UVRAG: variants seen among roughly 807,000 people sequenced by gnomAD.
UVRAG encodes the protein UV radiation resistance associated, also known as UV radiation resistance-associated gene protein.
UVRAG carries 19 observed loss-of-function variants against 78.0 expected under a neutral mutation model. The observed-to-expected ratio is 0.24, with a 90% CI of 0.17 to 0.36. The LOEUF is 0.36. UVRAG is among the 10% of genes least tolerant of loss of function. The probability of loss-of-function intolerance (pLI) is 1.00; values close to 1 mark genes in which losing one functional copy is unlikely to be tolerated. For synonymous variants in UVRAG, 323 were observed against 324.6 expected, an observed-to-expected ratio of 1.00 and a Z score of 0.05; for missense variants, 740 against 853.8, an observed-to-expected ratio of 0.87 and a Z score of 1.66.
chr11:75,837,327 A>C (rs1240742088), intron 1 of UVRAG, among the ~76,000 whole-genome samples: 1 of 93,046 alleles, frequency 1.1e-5, no homozygotes, highest in Non-Finnish European at 1.9e-5. Flanking sequence ...ACTCTGTCTC[A>C]AAAAAAAAAA....
intron 6 of UVRAG, among the ~76,000 whole-genome samples, chr11:75,957,457 A>T (rs1003690769): frequency 1.3e-5 from 2 of 151,428 alleles, no homozygotes; most frequent in Non-Finnish European, 2.9e-5. Flanking sequence ...TATTGTCTTA[A>T]TTATGTAACT....
At chr11:75,857,479 C>A (rs993188478) in intron 2 of UVRAG, among the ~76,000 whole-genome samples, 1 of 151,610 alleles carries the variant, frequency 6.6e-6, no homozygotes, top group Admixed American at 6.6e-5. Flanking sequence ...TCTTGCAGAT[C>A]TTTCTTTTTC....
intron 8 of UVRAG, among the ~76,000 whole-genome samples, chr11:75,999,229 C>T (rs1403207508): frequency 4.0e-5 from 2 of 50,186 alleles, no homozygotes; most frequent in African/African-American, 9.2e-5. Context: ...CAAGACTCTG[C>T]CTCAGAGAAA....
intron 13 of UVRAG, among the ~76,000 whole-genome samples, chr11:76,068,465 A>G (rs1307098113): frequency 4.6e-5 from 7 of 152,364 alleles, no homozygotes; most frequent in African/African-American, 1.7e-4. Context: ...CTCTGAATCC[A>G]TAGGGAGCAA....
intron 5 of UVRAG, among the ~76,000 whole-genome samples, chr11:75,910,225 C>G (rs1395466384): frequency 6.6e-6 from 1 of 152,106 alleles, no homozygotes; most frequent in Non-Finnish European, 1.5e-5. Flanking sequence ...AGTGATATAA[C>G]TTTTAATGAT....
intron 2 of UVRAG, among the ~76,000 whole-genome samples, chr11:75,855,441 T>G (rs372225781): frequency 3.9e-5 from 6 of 152,362 alleles, no homozygotes; most frequent in African/African-American, 1.4e-4. Flanking sequence ...ATTCCTCCCA[T>G]TCCAAAATGT....
intron 13 of UVRAG, among the ~76,000 whole-genome samples, chr11:76,115,554 A>C (rs1388036615): frequency 1.3e-5 from 2 of 152,178 alleles, no homozygotes; most frequent in Admixed American, 1.3e-4. Context: ...ATGTCCCTGG[A>C]GTTGGTGTTA....
At chr11:76,049,674 A>G (rs1950825335) in intron 12 of UVRAG, among the ~76,000 whole-genome samples, 1 of 152,312 alleles carries the variant, frequency 6.6e-6, no homozygotes, top group East Asian at 1.9e-4. Flanking sequence ...TCACCCATAC[A>G]TTCACCCCTC....
Position 75,961,525 on chromosome 11 carries a change from A to T in UVRAG, c.675A>T (p.Arg225Ser). ...KIGKEIEEKL[R>S]LTSTSNELKK... is the part of the protein sequence containing the mutation. ...GAAAGGAAATTGAAGAAAAACTAAG[A>T]CTCACATCTACAAGCAATGAACTGG... The change falls in exon 7 of 15, where the codon AGA (arginine) becomes AGT (serine). Residue 225 changes from arginine to serine, a missense_variant. Transcript: ENST00000356136. 1.2e-6 allele frequency: 2 copies of T among 1,604,758 alleles called. No homozygotes were observed. The highest frequency in any genetic ancestry group is 1.7e-6 in the Non-Finnish European group (2 of 1,177,866).
At chr11:76,057,300 C>T (rs562191762) in intron 12 of UVRAG, among the ~76,000 whole-genome samples, 6 of 152,120 alleles carry the variant, frequency 3.9e-5, no homozygotes, top group South Asian at 4.2e-4. Flanking sequence ...AACTTTAGCC[C>T]GAACCAATGG....
In UVRAG at chr11:76,096,399, A is replaced by G. The variant is rs139371420; in HGVS notation, c.1306-19525A>G. 1.7e-3 allele frequency among the ~76,000 whole-genome samples: 263 copies of G among 152,318 alleles called. 1 individual carries two copies. The highest frequency in any genetic ancestry group is 6.1e-3 in the African/African-American group (252 of 41,570). On this transcript the variant is annotated intron_variant, in intron 13 of 14. Coordinates refer to ENST00000356136, the MANE Select transcript of UVRAG (RefSeq NM_003369.4). ...AGGAGATAGCTGTCTTTATATTTGG[A>G]GGACTGTCAGGGAGAAGGAAAAAAA...
At chr11:76,075,998 G>T (rs1003147365) in intron 13 of UVRAG, among the ~76,000 whole-genome samples, 1 of 152,172 alleles carries the variant, frequency 6.6e-6, no homozygotes, top group African/African-American at 2.4e-5. Context: ...TTTACGAGTT[G>T]ATAGACTTTT....
At chr11:75,850,888 A>G (rs1946141097) in intron 1 of UVRAG, among the ~76,000 whole-genome samples, 1 of 152,202 alleles carries the variant, frequency 6.6e-6, no homozygotes, top group Non-Finnish European at 1.5e-5. Flanking sequence ...CTTAATCTCT[A>G]GATTGGGAGA....
chr11:75,832,079 G>A lies in UVRAG; in HGVS notation c.117+16555G>A, dbSNP rs566121112. On this transcript the variant is annotated intron_variant, in intron 1 of 14. Transcript: ENST00000356136. ...CATCATAAAGTAAAAACATCATTAA[G>A]TCAAACCGTCCTAAGTCAGGGACTG... Among the ~76,000 whole-genome samples the A allele has an allele frequency of 5.3e-5, 8 of 152,286 alleles. No individual in the cohort carries two copies. In the South Asian group the frequency reaches 1.7e-3, roughly 32 times the overall value.
At chr11:76,041,720 A>G (rs1301963850) in intron 12 of UVRAG, among the ~76,000 whole-genome samples, 1 of 152,226 alleles carries the variant, frequency 6.6e-6, no homozygotes, top group African/African-American at 2.4e-5. Flanking sequence ...TCTTCTGGTA[A>G]ATACTTCCAG....
intron 13 of UVRAG, among the ~76,000 whole-genome samples, chr11:76,068,926 A>C (rs187616357): frequency 6.6e-6 from 1 of 152,350 alleles, no homozygotes; most frequent in African/African-American, 2.4e-5. Flanking sequence ...CATACTATTA[A>C]AATGGCCTCA....
At chr11:75,894,319 T>A (rs1434030254) in intron 5 of UVRAG, among the ~76,000 whole-genome samples, 1 of 152,054 alleles carries the variant, frequency 6.6e-6, no homozygotes, top group Non-Finnish European at 1.5e-5. Flanking sequence ...TCATTGTATT[T>A]TACAAAAGTA....
chr11:75,830,528 C>A (rs1422525509), intron 1 of UVRAG, among the ~76,000 whole-genome samples: 1 of 152,138 alleles, frequency 6.6e-6, no homozygotes, highest in Non-Finnish European at 1.5e-5. Flanking sequence ...GCCTCCGCCT[C>A]CCAAAGTGTT....
In UVRAG at chr11:76,007,487, T is replaced by C. The variant is rs774781928; in HGVS notation, c.912-47T>C. On this transcript the variant is annotated intron_variant, in intron 9 of 14. Transcript: ENST00000356136. ...GTGTGGAAATAAATGTTACAAAGCA[T>C]GCAAGCATATATTTTTTAATAAATG... The C allele has an allele frequency of 8.5e-6, 12 of 1,413,626 alleles. 1 individual carries two copies. In the South Asian group the frequency reaches 1.4e-4, roughly 17 times the overall value. 87.6% of individuals were successfully genotyped at this position (1,413,626 alleles called of 1,614,324 possible).
Sources: gnomAD v4.1 joint callset for allele counts (sites outside exome capture counted in the v4.1 genomes callset) on GRCh38, gnomAD v4.1.1 for gene constraint, MANE v1.5 for transcripts, NCBI Gene and HGNC (gene_info 2026-07-23, HGNC 2026-07-21) for gene names.